The following SPATA45 variants were observed in gnomAD, a reference collection of about 807,000 sequenced individuals.
The protein encoded by SPATA45 is spermatogenesis associated 45.
A neutral mutation model predicts 7.0 loss-of-function variants in SPATA45; 5 were observed. That is an observed-to-expected ratio of 0.71 (90% confidence interval 0.37 to 1.50). The LOEUF (loss-of-function observed/expected upper bound fraction) is 1.50, where lower values mean the gene tolerates loss of function less well. Ranked by LOEUF, SPATA45 falls within the 40% of genes most tolerant of loss-of-function variation. SPATA45 has a pLI of 0.03. For missense variants in SPATA45, 111 were observed against 114.9 expected (o/e 0.97, Z 0.16); for synonymous variants, 40 against 38.7 (o/e 1.03, Z -0.13).
At chr1:212,833,416 T>C (rs978724991) in intron 2 of SPATA45, among the ~76,000 whole-genome samples, 11 of 147,852 alleles carry the variant, frequency 7.4e-5, no homozygotes, top group Non-Finnish European at 1.5e-5. Context: ...CCCAGCACTT[T>C]GGGAGGCCGA....
intron 1 of SPATA45, among the ~76,000 whole-genome samples, chr1:212,838,479 T>C (rs1663627712): frequency 6.6e-6 from 1 of 151,542 alleles, no homozygotes; most frequent in Non-Finnish European, 1.5e-5. Flanking sequence ...AGTGAGAATG[T>C]AAAATGGAAC....
chr1:212,840,652 C>G (rs904423704), intron 1 of SPATA45, among the ~76,000 whole-genome samples: 5 of 152,084 alleles, frequency 3.3e-5, no homozygotes, highest in African/African-American at 1.2e-4. Flanking sequence ...GAATCTCGCT[C>G]TGTCGCCCAA....
chr1:212,843,674 G>C (rs1010581788), intron 1 of SPATA45, among the ~76,000 whole-genome samples: 1 of 152,188 alleles, frequency 6.6e-6, no homozygotes, highest in Non-Finnish European at 1.5e-5. Context: ...CTATGTGACT[G>C]TTTGGGTCTC....
At chr1:212,833,130 G>A (rs947363561) in intron 2 of SPATA45, among the ~76,000 whole-genome samples, 4 of 151,562 alleles carry the variant, frequency 2.6e-5, no homozygotes, top group Non-Finnish European at 5.9e-5. Flanking sequence ...TGGGGTAAAG[G>A]TAGGTTTTGG....
At chr1:212,830,927 G>T in intron 2 of SPATA45, among the ~76,000 whole-genome samples, 1 of 151,336 alleles carries the variant, frequency 6.6e-6, no homozygotes, top group East Asian at 1.9e-4. Context: ...AGGTTGCAGT[G>T]AGCCGAGATC....
rs1244290179 is a variant in SPATA45 at position 212,834,099 on chromosome 1, TAA to T, written c.277+1772_277+1773del. On this transcript the variant is annotated intron_variant, in intron 2 of 2. Coordinates refer to ENST00000332912, the MANE Select transcript of SPATA45 (RefSeq NM_001024601.3). ...ACACATGACTGTTACAAATTAACTC[TAA>T]ACACAGTGGAGAATCTCAGCTTTCT... Among the ~76,000 whole-genome samples the T allele has an allele frequency of 1.3e-5, 2 of 151,744 alleles. 1 individual carries two copies. Among genetic ancestry groups the T allele is most frequent in the Admixed American group, 1.3e-4 (2 of 15,190 alleles).
At chr1:212,840,377 C>A (rs1219100850) in intron 1 of SPATA45, among the ~76,000 whole-genome samples, 1 of 152,116 alleles carries the variant, frequency 6.6e-6, no homozygotes, top group Non-Finnish European at 1.5e-5. Flanking sequence ...TCCATTGCAC[C>A]CCAGCCTGGG....
At chr1:212,839,302 G>A (rs1475791854) in intron 1 of SPATA45, among the ~76,000 whole-genome samples, 3 of 149,940 alleles carry the variant, frequency 2.0e-5, no homozygotes, top group Non-Finnish European at 3.0e-5. Flanking sequence ...TATAGTGTAC[G>A]ATTCCATGCA....
chr1:212,832,310 T>G (rs1265351789), intron 2 of SPATA45, among the ~76,000 whole-genome samples: 1 of 150,134 alleles, frequency 6.7e-6, no homozygotes, highest in African/African-American at 2.4e-5. Flanking sequence ...GGCTGAAATG[T>G]ACTATTTTTT....
At chr1:212,837,599 C>T (rs1663611962) in intron 1 of SPATA45, among the ~76,000 whole-genome samples, 1 of 151,068 alleles carries the variant, frequency 6.6e-6, no homozygotes, top group South Asian at 2.1e-4. Flanking sequence ...CGCGATTGCA[C>T]TCCAGCCTGT....
intron 2 of SPATA45, among the ~76,000 whole-genome samples, chr1:212,833,503 CAAAAAA>C (rs35760900): frequency 1.5e-4 from 16 of 108,732 alleles, no homozygotes; most frequent in Middle Eastern, 5.0e-3. Context: ...TACTAAAATA[CAAAAAA>C]AAAAAAAAAA....
In SPATA45 at chr1:212,836,181, T is replaced by C; in HGVS notation, c.-32A>G. ...CACAAACCAATTGTCAAGTGATTCT[T>C]GCTGTCCTACAAACAAATGAAAAAA... is the stretch of plus-strand genomic sequence containing the variant. On this transcript the variant is annotated 5_prime_UTR_variant, in exon 2 of 3. Transcript: ENST00000332912. 1 of 1,560,266 alleles carries C rather than the reference T, an allele frequency of 6.4e-7. No homozygotes were observed. The highest frequency in any genetic ancestry group is 8.8e-7 in the Non-Finnish European group (1 of 1,139,214).
At chr1:212,836,836 T>C (rs1465507299) in intron 1 of SPATA45, among the ~76,000 whole-genome samples, 1 of 149,588 alleles carries the variant, frequency 6.7e-6, no homozygotes, top group African/African-American at 2.4e-5. Context: ...TTTTTGTATT[T>C]TTAGTAAAGA....
chr1:212,845,581 T>A (rs1663778489), intron 1 of SPATA45, among the ~76,000 whole-genome samples: 2 of 152,168 alleles, frequency 1.3e-5, no homozygotes, highest in Admixed American at 1.3e-4. Flanking sequence ...TGGTTTTACC[T>A]CAAATCGCCA....
intron 1 of SPATA45, among the ~76,000 whole-genome samples, chr1:212,843,591 A>G (rs1219776166): frequency 6.6e-6 from 1 of 152,200 alleles, no homozygotes; most frequent in African/African-American, 2.4e-5. Flanking sequence ...CTTTATTAAC[A>G]AACAATGGAG....
At chr1:212,836,236 C>G in intron 1 of SPATA45, 49 bp from the exon 2 acceptor site, 2 of 1,357,436 alleles carry the variant, frequency 1.5e-6, no homozygotes, top group South Asian at 2.8e-5. Context: ...GACTCAGAAG[C>G]CAGTATTCAC....
chr1:212,844,365 G>A (rs769035278), intron 1 of SPATA45, among the ~76,000 whole-genome samples: 15 of 151,886 alleles, frequency 9.9e-5, no homozygotes, highest in South Asian at 2.1e-4. Flanking sequence ...TCTTTGCTGC[G>A]TCTCCCACAG....
chr1:212,833,380 C>T (rs775961336), intron 2 of SPATA45, among the ~76,000 whole-genome samples: 10 of 151,210 alleles, frequency 6.6e-5, no homozygotes, highest in Non-Finnish European at 1.2e-4. Context: ...GCCTCCTGGC[C>T]GGGCTCAGTG....
Position 212,835,853 on chromosome 1 carries a change from A to G in SPATA45, c.277+20T>C. 6.4e-7 allele frequency: 1 copy of G among 1,556,088 alleles called. No homozygotes were observed. On this transcript the variant is annotated intron_variant, in intron 2 of 2. Coordinates refer to ENST00000332912, the MANE Select transcript of SPATA45 (RefSeq NM_001024601.3). ...CTCCATCTCAAAAAAAAAAAAAAAA[A>G]TCCTATGATAACTTCTTACTTTTTG... is the stretch of plus-strand genomic sequence containing the variant.
Sources: allele counts gnomAD v4.1 joint callset (sites outside exome capture counted in the v4.1 genomes callset), GRCh38; gene constraint gnomAD v4.1.1; transcripts MANE v1.5; gene names NCBI Gene and HGNC (gene_info 2026-07-23, HGNC 2026-07-21).